Variants in FAM168A observed in about 807,000 individuals in gnomAD.
FAM168A encodes the protein family with sequence similarity 168 member A, also known as protein FAM168A.
Under a neutral mutation model 28.5 loss-of-function variants are expected in FAM168A, and 3 were observed. The ratio of observed to expected loss-of-function variants is 0.11; its 90% confidence interval spans 0.05 to 0.27. The LOEUF (loss-of-function observed/expected upper bound fraction) is 0.27. FAM168A is among the 10% of genes least tolerant of loss of function. The probability of loss-of-function intolerance (pLI) is 1.00; values close to 1 mark genes in which losing one functional copy is unlikely to be tolerated. For missense variants in FAM168A, 222 were observed against 311.5 expected, an observed-to-expected ratio of 0.71 and a Z score of 2.16; for synonymous variants, 122 against 124.2, an observed-to-expected ratio of 0.98 and a Z score of 0.12.
intron 3 of FAM168A, among the ~76,000 whole-genome samples, chr11:73,422,314 T>G (rs115661284): frequency 0.013 from 2,022 of 152,358 alleles, 44 homozygotes; most frequent in African/African-American, 0.045. Flanking sequence ...AAAAATATTT[T>G]TCTTTATTTT....
At chr11:73,497,498 A>T (rs1854916534) in intron 1 of FAM168A, among the ~76,000 whole-genome samples, 1 of 152,062 alleles carries the variant, frequency 6.6e-6, no homozygotes. Flanking sequence ...TTCTATAATG[A>T]TGGAAATATT....
At chr11:73,533,583 A>C (rs1309089054) in intron 1 of FAM168A, among the ~76,000 whole-genome samples, 2 of 152,158 alleles carry the variant, frequency 1.3e-5, no homozygotes, top group Non-Finnish European at 2.9e-5. Context: ...AAAAATTCAA[A>C]ACAACCACAA....
intron 1 of FAM168A, among the ~76,000 whole-genome samples, chr11:73,472,461 C>G (rs1867829048): frequency 2.0e-5 from 3 of 152,190 alleles, no homozygotes; most frequent in Admixed American, 2.0e-4. Flanking sequence ...AAGGCCAAAT[C>G]ATGCAGGGCC....
At chr11:73,523,085 A>C (rs779195191) in intron 1 of FAM168A, among the ~76,000 whole-genome samples, 1 of 152,058 alleles carries the variant, frequency 6.6e-6, no homozygotes, top group Non-Finnish European at 1.5e-5. Flanking sequence ...CCACAGGTTT[A>C]CTCATGTGAA....
intron 1 of FAM168A, among the ~76,000 whole-genome samples, chr11:73,595,960 A>G (rs1447817358): frequency 6.6e-6 from 1 of 152,222 alleles, no homozygotes; most frequent in South Asian, 2.1e-4. Context: ...TGACATTTCC[A>G]TATTTCCTGT....
chr11:73,595,051 T>C (rs1944428511), intron 1 of FAM168A, among the ~76,000 whole-genome samples: 1 of 151,970 alleles, frequency 6.6e-6, no homozygotes, highest in Non-Finnish European at 1.5e-5. Flanking sequence ...ACCACGGCTG[T>C]GGAAAAAAAA....
chr11:73,433,840 C>CTTTTTTT (rs34260175), intron 2 of FAM168A, among the ~76,000 whole-genome samples: 10 of 83,324 alleles, frequency 1.2e-4, no homozygotes, highest in Non-Finnish European at 2.2e-4. Context: ...AGGGTAGGCC[C>CTTTTTTT]TTTTTTTTTT....
chr11:73,591,466 G>T (rs1270029122), intron 1 of FAM168A, among the ~76,000 whole-genome samples: 1 of 152,086 alleles, frequency 6.6e-6, no homozygotes, highest in African/African-American at 2.4e-5. Context: ...GTCTTTCCCT[G>T]CTAATTCCCT....
At chr11:73,584,275 C>A (rs915227697) in intron 1 of FAM168A, among the ~76,000 whole-genome samples, 1 of 151,856 alleles carries the variant, frequency 6.6e-6, no homozygotes, top group Non-Finnish European at 1.5e-5. Context: ...TGGGCCCAAG[C>A]GATCCTCCCA....
intron 1 of FAM168A, among the ~76,000 whole-genome samples, chr11:73,565,633 A>G (rs1944012763): frequency 6.8e-6 from 1 of 147,496 alleles, no homozygotes; most frequent in Admixed American, 6.6e-5. Flanking sequence ...GCATCAGTAA[A>G]TATTAGTTAT....
At chr11:73,563,463 C>T (rs151337700) in intron 1 of FAM168A, among the ~76,000 whole-genome samples, 182 of 152,230 alleles carry the variant, frequency 1.2e-3, no homozygotes, top group African/African-American at 4.2e-3. Flanking sequence ...TAAATATTCA[C>T]GAGTGCCCAC....
chr11:73,570,944 GAAGA>G (rs1051775242), intron 1 of FAM168A, among the ~76,000 whole-genome samples: 1 of 152,074 alleles, frequency 6.6e-6, no homozygotes, highest in Non-Finnish European at 1.5e-5. Context: ...CAAGAACAGA[GAAGA>G]AAGATGCCTA....
intron 1 of FAM168A, among the ~76,000 whole-genome samples, chr11:73,496,027 G>C (rs1854865794): frequency 1.3e-5 from 2 of 152,132 alleles, no homozygotes; most frequent in African/African-American, 2.4e-5. Context: ...CAACCTAAAT[G>C]TCCACTGATG....
At chr11:73,527,192 A>T (rs1943458070) in intron 1 of FAM168A, among the ~76,000 whole-genome samples, 1 of 152,172 alleles carries the variant, frequency 6.6e-6, no homozygotes, top group South Asian at 2.1e-4. Flanking sequence ...CTCATCCACT[A>T]ACAGCAGAAA....
chr11:73,416,341 G>A (rs1289365761), intron 4 of FAM168A, among the ~76,000 whole-genome samples: 1 of 152,116 alleles, frequency 6.6e-6, no homozygotes, highest in Non-Finnish European at 1.5e-5. Flanking sequence ...CACCTTCAAA[G>A]GCTTGATCCT....
chr11:73,494,128 C>T (rs968426087), intron 1 of FAM168A, among the ~76,000 whole-genome samples: 7 of 152,146 alleles, frequency 4.6e-5, no homozygotes, highest in Admixed American at 4.6e-4. Flanking sequence ...ACATTATGTA[C>T]AGTATGTACA....
chr11:73,408,348 C>A (rs1043694346), intron 6 of FAM168A, among the ~76,000 whole-genome samples: 3 of 152,144 alleles, frequency 2.0e-5, no homozygotes, highest in Non-Finnish European at 4.4e-5. Context: ...GAGTAGATAT[C>A]CAACAGTTTG....
At chr11:73,452,072 C>G (rs1867440822) in intron 2 of FAM168A, 1 of 152,332 alleles carries the variant, frequency 6.6e-6, no homozygotes, top group Non-Finnish European at 1.5e-5. Flanking sequence ...AGAACCAAGC[C>G]CAGGCTGGGG....
chr11:73,556,785 C>A (rs1249443636), intron 1 of FAM168A, among the ~76,000 whole-genome samples: 1 of 151,936 alleles, frequency 6.6e-6, no homozygotes, highest in Non-Finnish European at 1.5e-5. Context: ...CTTTGGAAGG[C>A]CAAGGCAGGA....
Sources: allele counts gnomAD v4.1 joint callset (sites outside exome capture counted in the v4.1 genomes callset), GRCh38; gene constraint gnomAD v4.1.1; transcripts MANE v1.5; gene names NCBI Gene and HGNC (gene_info 2026-07-23, HGNC 2026-07-21).